RIMS2: variants seen among roughly 807,000 people sequenced by gnomAD.
The protein encoded by RIMS2 is regulating synaptic membrane exocytosis 2, also known as regulating synaptic membrane exocytosis protein 2.
Under a neutral mutation model 174.4 loss-of-function variants are expected in RIMS2, and 59 were observed. That is an observed-to-expected ratio of 0.34 (90% CI 0.27 to 0.42). RIMS2 has a LOEUF of 0.42. Ranked by LOEUF, RIMS2 falls within the 10% of genes least tolerant of loss-of-function variation. The probability of loss-of-function intolerance (pLI) is 1.00; values close to 1 mark genes in which losing one functional copy is unlikely to be tolerated. For synonymous variants in RIMS2, 606 were observed against 572.5 expected, an observed-to-expected ratio of 1.06 and a Z score of -0.84; for missense variants, 1,620 against 1,666.3, an observed-to-expected ratio of 0.97 and a Z score of 0.48.
chr8:103,758,065 G>A (rs1028010578), intron 2 of RIMS2, among the ~76,000 whole-genome samples: 3 of 152,098 alleles, frequency 2.0e-5, no homozygotes, highest in African/African-American at 4.8e-5. Flanking sequence ...TTGAGTCATG[G>A]AAGTTTCCAT....
intron 1 of RIMS2, among the ~76,000 whole-genome samples, chr8:103,517,125 A>C (rs1456333136): frequency 2.0e-5 from 3 of 152,186 alleles, no homozygotes; most frequent in African/African-American, 4.8e-5. Context: ...GAGTCATGTA[A>C]ATAAATAATC....
intron 1 of RIMS2, among the ~76,000 whole-genome samples, chr8:103,523,149 CAGAG>C (rs1295264096): frequency 6.7e-6 from 1 of 149,688 alleles, no homozygotes; most frequent in African/African-American, 2.5e-5. Context: ...ATGAGAGATA[CAGAG>C]AGAGAGAAAA....
chr8:104,166,104 T>C (rs2098796065), intron 19 of RIMS2, among the ~76,000 whole-genome samples: 1 of 144,220 alleles, frequency 6.9e-6, no homozygotes, highest in Admixed American at 7.2e-5. Flanking sequence ...TCTCGCTCTG[T>C]CGCCCAGGCT....
At chr8:103,631,932 A>G (rs1279220844) in intron 1 of RIMS2, among the ~76,000 whole-genome samples, 1 of 152,062 alleles carries the variant, frequency 6.6e-6, no homozygotes, top group Admixed American at 6.5e-5. Flanking sequence ...CAGCTTGGAC[A>G]TTGTTGGTGT....
chr8:104,089,764 A>G (rs976161250), intron 19 of RIMS2, among the ~76,000 whole-genome samples: 15 of 151,748 alleles, frequency 9.9e-5, no homozygotes, highest in African/African-American at 3.4e-4. Flanking sequence ...TCAGTGTCCT[A>G]TTTAATGACC....
At chr8:104,109,645 C>G (rs866211158) in intron 19 of RIMS2, among the ~76,000 whole-genome samples, 1 of 152,090 alleles carries the variant, frequency 6.6e-6, no homozygotes, top group African/African-American at 2.4e-5. Context: ...TTATAAAATT[C>G]TCACTTTTTT....
intron 1 of RIMS2, among the ~76,000 whole-genome samples, chr8:103,507,609 A>G (rs1824296977): frequency 6.6e-6 from 1 of 152,020 alleles, no homozygotes; most frequent in South Asian, 2.1e-4. Context: ...ATTTTTAAAC[A>G]TGCCTAATTT....
intron 1 of RIMS2, among the ~76,000 whole-genome samples, chr8:103,638,322 A>G (rs1201162062): frequency 6.6e-6 from 1 of 152,026 alleles, no homozygotes; most frequent in Admixed American, 6.6e-5. Flanking sequence ...TTAAGCTTTG[A>G]TTTCTAATGT....
intron 1 of RIMS2, among the ~76,000 whole-genome samples, chr8:103,628,354 GTTTTT>G (rs5893660): frequency 7.3e-6 from 1 of 136,502 alleles, no homozygotes; most frequent in Non-Finnish European, 1.6e-5. Flanking sequence ...TGAGATCCCT[GTTTTT>G]TTTTTTTTTT....
intron 14 of RIMS2, among the ~76,000 whole-genome samples, chr8:103,949,076 A>G (rs2084585459): frequency 6.9e-6 from 1 of 144,320 alleles, no homozygotes; most frequent in Non-Finnish European, 1.5e-5. Flanking sequence ...GCAGTGAGCC[A>G]TGATCACACC....
intron 19 of RIMS2, among the ~76,000 whole-genome samples, chr8:104,198,184 A>G (rs1178477518): frequency 6.6e-6 from 1 of 152,194 alleles, no homozygotes; most frequent in Non-Finnish European, 1.5e-5. Context: ...AAAAAAACAA[A>G]GACACTCAAT....
intron 8 of RIMS2, among the ~76,000 whole-genome samples, 163 bp downstream of exon 11, chr8:103,916,700 T>C (rs2076687711): frequency 1.3e-5 from 2 of 152,268 alleles, no homozygotes; most frequent in African/African-American, 4.8e-5. Context: ...AAAATAATGA[T>C]ATCTCTTTAT....
intron 19 of RIMS2, among the ~76,000 whole-genome samples, chr8:104,130,628 C>G (rs190878739): frequency 1.3e-5 from 2 of 152,100 alleles, no homozygotes; most frequent in South Asian, 2.1e-4. Flanking sequence ...GGTGCTTAGG[C>G]GGAAGATAAG....
In RIMS2 at chr8:103,883,784, TG is replaced by T. The variant is rs1354382454; in HGVS notation, c.699-1511del. ...CAAGCATTAGTTGTTGGCTAGCAGA[TG>T]GGCAGATATAAAAGTCTTAGTGGCT... On this transcript the variant is annotated intron_variant, in intron 3 of 23. Coordinates refer to ENST00000504942, the Ensembl canonical transcript of RIMS2. Among the ~76,000 whole-genome samples the T allele has an allele frequency of 2.0e-5, 3 of 151,770 alleles. No individual in the cohort carries two copies. In the East Asian group the frequency reaches 5.8e-4, roughly 29 times the overall value.
chr8:103,985,898 A>G (rs1156905830), intron 16 of RIMS2, among the ~76,000 whole-genome samples: 4 of 152,226 alleles, frequency 2.6e-5, no homozygotes, highest in Admixed American at 6.5e-5. Context: ...TCTAACTTAT[A>G]TATAGAATCT....
intron 19 of RIMS2, among the ~76,000 whole-genome samples, chr8:104,181,239 A>G (rs775779604): frequency 2.0e-5 from 3 of 151,728 alleles, no homozygotes; most frequent in Non-Finnish European, 3.0e-5. Flanking sequence ...TCTTGGAATT[A>G]ATAGTCCTTA....
intron 1 of RIMS2, among the ~76,000 whole-genome samples, chr8:103,612,027 A>C (rs753073599): frequency 2.0e-5 from 3 of 151,688 alleles, no homozygotes; most frequent in African/African-American, 7.3e-5. Flanking sequence ...CTTCAAGGTC[A>C]GTCATTCTCT....
At chr8:103,768,825 A>G in intron 3 of RIMS2, 2 of 640,088 alleles carry the variant, frequency 3.1e-6, no homozygotes, top group Non-Finnish European at 5.9e-6. Flanking sequence ...TTATTACTCC[A>G]TGTGTCCTGC....
chr8:104,066,394 ATGTG>A (rs34655484), intron 19 of RIMS2, among the ~76,000 whole-genome samples: 1 of 151,598 alleles, frequency 6.6e-6, no homozygotes, highest in South Asian at 2.1e-4. Flanking sequence ...ATATCTATAT[ATGTG>A]TGTGTGTGTG....
Sources: allele counts gnomAD v4.1 joint callset (sites outside exome capture counted in the v4.1 genomes callset), GRCh38; gene constraint gnomAD v4.1.1; transcripts MANE v1.5; gene names NCBI Gene and HGNC (gene_info 2026-07-23, HGNC 2026-07-21).